The following POMT2 variants were observed in gnomAD, a reference collection of about 807,000 sequenced individuals.
POMT2 encodes the protein protein O-mannosyl-transferase 2.
A neutral mutation model predicts 100.0 loss-of-function variants in POMT2; 75 were observed. That is an observed-to-expected ratio of 0.75 (90% CI 0.62 to 0.91). The LOEUF (loss-of-function observed/expected upper bound fraction) is 0.91. Among genes scored for constraint, POMT2 ranks in the 40% least tolerant of loss-of-function variants. The probability of loss-of-function intolerance (pLI) is 0.00; values close to 1 mark genes in which losing one functional copy is unlikely to be tolerated. For synonymous variants in POMT2, 378 were observed against 374.1 expected (o/e 1.01, Z -0.12); for missense variants, 940 against 955.1 (o/e 0.98, Z 0.21).
At chr14:77,303,375 T>C (rs1891120579) in intron 4 of POMT2, among the ~76,000 whole-genome samples, 1 of 152,174 alleles carries the variant, frequency 6.6e-6, no homozygotes, top group South Asian at 2.1e-4. Flanking sequence ...GAGTGATGTT[T>C]TTTAATTTAA....
At chr14:77,286,940 T>A in intron 11 of POMT2, 118 bp from the exon 12 acceptor site, 1 of 1,546,468 alleles carries the variant, frequency 6.5e-7, no homozygotes, top group Non-Finnish European at 8.8e-7. Context: ...GAATCTGAAC[T>A]ATTAAATCCA....
intron 2 of POMT2, among the ~76,000 whole-genome samples, 175 bp downstream of exon 2, chr14:77,311,774 C>A (rs1238552522): frequency 6.6e-6 from 1 of 152,152 alleles, no homozygotes; most frequent in African/African-American, 2.4e-5. Context: ...GCCCAGAGGA[C>A]CCTTAAAAAA....
chr14:77,320,333 T>G (rs1010192107), intron 1 of POMT2, 101 bp downstream of exon 1: 3 of 1,530,980 alleles, frequency 2.0e-6, no homozygotes, highest in African/African-American at 2.7e-5. Flanking sequence ...ACCGTGGCCC[T>G]CCTCCTATAG....
At position 77,280,052 on chromosome 14, in the gene POMT2, G is replaced by C. The variant is rs797019891; in HGVS notation, c.1754C>G (p.Thr585Arg). 6 of 1,613,782 alleles carry C rather than the reference G, an allele frequency of 3.7e-6. No homozygotes were observed. The South Asian group carries it at 5.5e-5, about 15-fold the overall frequency. ...GCCAAGCAGATAGACTCGGAAATCT[G>C]TGTCATTGACCCCTGAGAAGCGTAG... is the stretch of plus-strand genomic sequence containing the variant. ...QGLRFSGVNDTDFRVYLLGNP... is the reference protein window; with the variant it reads ...QGLRFSGVNDRDFRVYLLGNP... Residue 585 changes from threonine (T) to arginine (R), a missense_variant, in exon 17 of 21, where the codon ACA (threonine) becomes AGA (arginine). Physicochemically the swap from Thr to Arg is moderately conservative, Grantham distance 71. Coordinates refer to ENST00000261534, the MANE Select transcript of POMT2 (RefSeq NM_013382.7).
rs1179613766 is a variant in POMT2, at chr14:77,278,383, G to A, written c.2147+11C>T. ...ACACTGGGAGGGCATGTGAGGTGCAGAGATGCTCACCTGTAGGCAGTTCCC... is the reference window on the plus strand; with the variant it reads ...ACACTGGGAGGGCATGTGAGGTGCAAAGATGCTCACCTGTAGGCAGTTCCC... On this transcript the variant is annotated intron_variant, in intron 20 of 20. Coordinates refer to ENST00000261534, the MANE Select transcript of POMT2 (RefSeq NM_013382.7). 3.4e-6 allele frequency: 5 copies of A among 1,457,588 alleles called. No homozygotes were observed. The highest frequency in any genetic ancestry group is 4.7e-6 in the Non-Finnish European group (5 of 1,062,462). The allele number at this position is 1,457,588 out of a possible 1,614,324, so 90.3% of individuals were successfully genotyped here.
At chr14:77,317,607 C>G in intron 1 of POMT2, among the ~76,000 whole-genome samples, 1 of 152,260 alleles carries the variant, frequency 6.6e-6, no homozygotes, top group East Asian at 1.9e-4. Flanking sequence ...TCCTCCTGGT[C>G]TGCAAACCTT....
chr14:77,279,509 G>A (rs533653726), intron 18 of POMT2: 8 of 524,386 alleles, frequency 1.5e-5, no homozygotes, highest in East Asian at 1.5e-4. Context: ...CAGATTGCAC[G>A]GGTTTGAGCC....
In POMT2 at chr14:77,320,612, G is replaced by A; in HGVS notation, c.70C>T (p.Gln24Ter). 6.3e-7 allele frequency: 1 copy of A among 1,589,082 alleles called. No homozygotes were observed. The highest frequency in any genetic ancestry group is 8.5e-7 in the Non-Finnish European group (1 of 1,175,518). The change falls in exon 1 of 21, where the codon CAG becomes TAG. Residue 24 changes from glutamine (Q) to a stop codon, truncating the protein, a stop_gained. Coordinates refer to ENST00000261534, the MANE Select transcript of POMT2 (RefSeq NM_013382.7). LOFTEE classifies it high-confidence loss of function. Reference protein sequence around the residue: ...LRPRRGRCGPQAARAAGRDVA... With the variant: ...LRPRRGRCGP ...TCCCGGCCTGCGGCCCTAGCAGCCT[G>A]GGGGCCACAGCGGCCCCTCCGGGGA...
rs980527840 is a variant in POMT2, at chr14:77,296,204, C to T, written c.1076G>A (p.Arg359Lys). ...RMAIGYLHSH[R>K]HLYPEGIGAR... ...ACCAATGCCCTCGGGGTAGAGGTGC[C>T]TGTGGGAGTGCAGATAGCCGATGGC... The change falls in exon 9 of 21, where the codon AGG becomes AAG. Residue 359 changes from arginine (R) to lysine (K), a missense_variant. By Grantham distance (26) the Arg-to-Lys change is conservative. Coordinates refer to ENST00000261534, the MANE Select transcript of POMT2 (RefSeq NM_013382.7). The T allele has an allele frequency of 9.3e-6, 15 of 1,609,238 alleles. No homozygotes were observed. Among genetic ancestry groups the T allele is most frequent in the Non-Finnish European group, 1.3e-5 (15 of 1,178,332 alleles).
At position 77,278,379 on chromosome 14, in the gene POMT2, T is replaced by C; in HGVS notation, c.2147+15A>G. The C allele has an allele frequency of 4.1e-6, 6 of 1,455,880 alleles. No individual in the cohort carries two copies. Among genetic ancestry groups the C allele is most frequent in the African/African-American group, 1.4e-5 (1 of 70,900 alleles). 90.2% of individuals were successfully genotyped at this position (1,455,880 alleles called of 1,614,324 possible). On this transcript the variant is annotated intron_variant, in intron 20 of 20. Coordinates refer to ENST00000261534, the MANE Select transcript of POMT2 (RefSeq NM_013382.7). ...GCCCACACTGGGAGGGCATGTGAGG[T>C]GCAGAGATGCTCACCTGTAGGCAGT... is the stretch of plus-strand genomic sequence containing the variant.
At chr14:77,304,480 T>G (rs1400238437) in intron 4 of POMT2, among the ~76,000 whole-genome samples, 1 of 152,178 alleles carries the variant, frequency 6.6e-6, no homozygotes, top group Non-Finnish European at 1.5e-5. Flanking sequence ...CCACGCCGAT[T>G]CTCCCCTCCA....
Position 77,320,538 on chromosome 14 carries a change from G to T in POMT2, c.144C>A (p.Gly48=). 1 of 1,562,096 alleles carries T rather than the reference G, an allele frequency of 6.4e-7. No homozygotes were observed. The highest frequency in any genetic ancestry group is 8.6e-7 in the Non-Finnish European group (1 of 1,159,580). The change falls in exon 1 of 21, where the codon GGC becomes GGA. Residue 48 remains glycine, a synonymous_variant. Transcript: ENST00000261534. The part of the protein sequence containing the change: ...VARSPKRPAW[G]SRRFEAVGWW... ...AGCCGACCGCCTCGAAGCGCCGTGAGCCCCAAGCAGGCCGTTTGGGGCTTC... is the reference window on the plus strand; with the variant it reads ...AGCCGACCGCCTCGAAGCGCCGTGATCCCCAAGCAGGCCGTTTGGGGCTTC...
rs558380555 is a variant in POMT2 at position 77,285,714 on chromosome 14, A to C, written c.1333-82T>G. ...GTGTCAGAAAGGGAAATGGCCACCCAGATGCCACCATGTTATGAAGGTCAA... is the reference window on the plus strand; with the variant it reads ...GTGTCAGAAAGGGAAATGGCCACCCCGATGCCACCATGTTATGAAGGTCAA... On this transcript the variant is annotated intron_variant, in intron 12 of 20. Coordinates refer to ENST00000261534, the MANE Select transcript of POMT2 (RefSeq NM_013382.7). The C allele has an allele frequency of 2.3e-5, 34 of 1,483,778 alleles. No individual in the cohort carries two copies. The East Asian group carries it at 7.7e-4, about 34-fold the overall frequency. 91.9% of individuals were successfully genotyped at this position (1,483,778 alleles called of 1,614,324 possible). A position where few individuals can be genotyped will look rare whatever the true frequency, so the allele number is the denominator to read the frequency against.
At chr14:77,314,078 C>T (rs2139525062) in intron 1 of POMT2, among the ~76,000 whole-genome samples, 1 of 152,172 alleles carries the variant, frequency 6.6e-6, no homozygotes, top group East Asian at 1.9e-4. Flanking sequence ...TTCCTCCTGG[C>T]TTTTATTGCT....
Position 77,302,940 on chromosome 14 carries a change from G to T in POMT2, c.551C>A (p.Thr184Lys). 1 of 1,610,418 alleles carries T rather than the reference G, an allele frequency of 6.2e-7. No individual in the cohort carries two copies. The highest frequency in any genetic ancestry group is 1.1e-5 in the South Asian group (1 of 90,716). ...LLTAALLTFD[T>K]GCLTLSQYIL... is the part of the protein sequence containing the mutation. ...GTACTGGGACAGAGTGAGGCATCCC[G>T]TGTCTGAAAAACATGAGCTCGCTGG... The change falls in exon 5 of 21, where the codon ACG becomes AAG. Residue 184 changes from threonine to lysine, a missense_variant. Transcript: ENST00000261534.
chr14:77,314,670 C>A (rs1891566686), intron 1 of POMT2, among the ~76,000 whole-genome samples: 1 of 152,166 alleles, frequency 6.6e-6, no homozygotes, highest in East Asian at 1.9e-4. Flanking sequence ...TGAATGTCAC[C>A]CTGGTTACTG....
chr14:77,290,538 G>A (rs1440581656), intron 10 of POMT2, among the ~76,000 whole-genome samples: 1 of 152,226 alleles, frequency 6.6e-6, no homozygotes, highest in African/African-American at 2.4e-5. Flanking sequence ...GGGATTTGCT[G>A]AGGAGTCACA....
intron 8 of POMT2, 106 bp downstream of exon 8, chr14:77,298,583 C>T (rs113899100): frequency 7.6e-6 from 9 of 1,190,422 alleles, no homozygotes; most frequent in African/African-American, 7.5e-5. Context: ...TCCCACCGTG[C>T]CATCACAGGC....
chr14:77,277,873 C>T (rs895444729), intron 20 of POMT2, among the ~76,000 whole-genome samples: 4 of 152,216 alleles, frequency 2.6e-5, no homozygotes, highest in Non-Finnish European at 5.9e-5. Context: ...CTCTCCCTTT[C>T]AGCCACTCAG....
Sources: allele counts gnomAD v4.1 joint callset (sites outside exome capture counted in the v4.1 genomes callset), GRCh38; gene constraint gnomAD v4.1.1; transcripts MANE v1.5; gene names NCBI Gene and HGNC (gene_info 2026-07-23, HGNC 2026-07-21).